REN: variants seen among roughly 807,000 people sequenced by gnomAD.
REN encodes angiotensin-forming enzyme.
Under a neutral mutation model 48.6 loss-of-function variants are expected in REN, and 42 were observed. The ratio of observed to expected loss-of-function variants is 0.86; its 90% confidence interval spans 0.68 to 1.12. The LOEUF is 1.12. Among genes scored for constraint, REN ranks in the 50% most tolerant of loss-of-function variants. REN has a pLI of 0.00. For missense variants in REN, 443 were observed against 527.3 expected (o/e 0.84, Z 1.57); for synonymous variants, 196 against 204.6 (o/e 0.96, Z 0.36).
In REN at chr1:204,163,610, C is replaced by A. The variant is rs552360536; in HGVS notation, c.99-1447G>T. On this transcript the variant is annotated intron_variant, in intron 1 of 9. Transcript: ENST00000272190. ...TTCCTTTTCCCCCCAGTTCTTTAGT[C>A]CTCCAAGGCCCAACATGTACCCCCA... Among the ~76,000 whole-genome samples, 54 of 152,226 alleles carry A rather than the reference C, an allele frequency of 3.5e-4. 2 individuals carry two copies. The South Asian group carries it at 0.011, about 30-fold the overall frequency.
chr1:204,159,311 T>G lies in REN; in HGVS notation c.689+88A>C, dbSNP rs28730746. ...GGCTGTCACCTAATTACAAACACTTTACAATTCTGGCCCAGACTCTCCTTC... is the reference window on the plus strand; with the variant it reads ...GGCTGTCACCTAATTACAAACACTTGACAATTCTGGCCCAGACTCTCCTTC... On this transcript the variant is annotated intron_variant, in intron 5 of 9. Coordinates refer to ENST00000272190, the MANE Select transcript of REN (RefSeq NM_000537.4). 603 of 1,216,880 alleles carry G rather than the reference T, an allele frequency of 5.0e-4. 3 individuals carry two copies. In the African/African-American group the frequency reaches 7.7e-3, roughly 16 times the overall value. 75.4% of individuals were successfully genotyped at this position (1,216,880 alleles called of 1,614,324 possible). A position where few individuals can be genotyped will look rare whatever the true frequency, so the allele number is the denominator to read the frequency against.
chr1:204,160,477 C>A, intron 4 of REN, 83 bp downstream of exon 4: 1 of 910,768 alleles, frequency 1.1e-6, no homozygotes. Context: ...TGTACCTCCC[C>A]GCAGGTGTGG....
At position 204,162,026 on chromosome 1, in the gene REN, G is replaced by C. The variant is rs778600672; in HGVS notation, c.236C>G (p.Thr79Ser). The change falls in exon 2 of 10, where the codon ACC becomes AGC. Residue 79 changes from threonine (T) to serine (S), a missense_variant. Physicochemically the swap from Thr to Ser is moderately conservative, Grantham distance 58 (BLOSUM62 1). Transcript: ENST00000272190. ...LGNTTSSVILTNYMDTQYYGE... is the reference protein window; with the variant it reads ...LGNTTSSVILSNYMDTQYYGE... ...CCAAGCACTCACGTCCATGTAGTTG[G>C]TGAGGATCACGGAGGAGGTGGTGTT... 63 of 1,614,074 alleles carry C rather than the reference G, an allele frequency of 3.9e-5. No individual in the cohort carries two copies. Among genetic ancestry groups the C allele is most frequent in the Non-Finnish European group, 5.3e-5 (63 of 1,180,036 alleles).
At chr1:204,165,797 G>A (rs1332395651) in intron 1 of REN, among the ~76,000 whole-genome samples, 1 of 152,064 alleles carries the variant, frequency 6.6e-6, no homozygotes, top group Non-Finnish European at 1.5e-5. Flanking sequence ...TCCCCATGTT[G>A]GCCAGGCTGG....
intron 5 of REN, among the ~76,000 whole-genome samples, chr1:204,158,339 G>T (rs1379605965): frequency 1.3e-5 from 2 of 151,078 alleles, no homozygotes; most frequent in African/African-American, 4.9e-5. Context: ...CCATTTTACT[G>T]TGAGATTTCT....
In REN at chr1:204,155,825, A is replaced by T. The variant is rs763339055; in HGVS notation, c.1054T>A (p.Phe352Ile). 3 of 1,613,492 alleles carry T rather than the reference A, an allele frequency of 1.9e-6. No individual in the cohort carries two copies. Among genetic ancestry groups the T allele is most frequent in the African/African-American group, 2.7e-5 (2 of 74,910 alleles). ...EYTLTSADYVFQESYSSKKLC... is the reference protein window; with the variant it reads ...EYTLTSADYVIQESYSSKKLC... Reference sequence around the variant, plus strand: ...GGGGCCGACTCGAACCTCACCTGAAATACATAGTCCGCGCTGGTGAGCGTG... The same window carrying T: ...GGGGCCGACTCGAACCTCACCTGAATTACATAGTCCGCGCTGGTGAGCGTG... The change falls in exon 9 of 10, where the codon TTT becomes ATT. Residue 352 changes from phenylalanine (F) to isoleucine (I), a missense_variant. Coordinates refer to ENST00000272190, the MANE Select transcript of REN (RefSeq NM_000537.4).
rs1018956690 is a variant in REN, at chr1:204,156,664, G to A, written c.818+13C>T. 2 of 1,593,320 alleles carry A rather than the reference G, an allele frequency of 1.3e-6. No individual in the cohort carries two copies. Among genetic ancestry groups the A allele is most frequent in the Non-Finnish European group, 1.7e-6 (2 of 1,166,970 alleles). On this transcript the variant is annotated intron_variant, in intron 7 of 9. Transcript: ENST00000272190. This position sits in a 1 kb window ranked among gnomAD's most constrained non-coding sequence, Gnocchi z 4.2. Reference sequence around the variant, plus strand: ...CATTTTTTGGAGCCCGGGGAGGGTTGAGGATTTCTGACCCCTTCATTTGAA... The same window carrying A: ...CATTTTTTGGAGCCCGGGGAGGGTTAAGGATTTCTGACCCCTTCATTTGAA...
intron 6 of REN, among the ~76,000 whole-genome samples, chr1:204,157,142 T>G (rs532614287): frequency 6.6e-6 from 1 of 152,182 alleles, no homozygotes; most frequent in South Asian, 2.1e-4. Context: ...GGGTTGCTGC[T>G]GATTGAGCAG....
chr1:204,155,888 G>A lies in REN; in HGVS notation c.991C>T (p.Leu331Phe). ...CCCAGGTGGAAAGAGATGTCGGGGA[G>A]TGTAGGGCCCTCGTTACACTTCACG... ...YVVKCNEGPT[L>F]PDISFHLGGK... The change falls in exon 9 of 10, where the codon CTC becomes TTC. Residue 331 changes from leucine (L) to phenylalanine (F), a missense_variant. By Grantham distance (22) the Leu-to-Phe change is conservative. Transcript: ENST00000272190. 1 of 1,614,070 alleles carries A rather than the reference G, an allele frequency of 6.2e-7. No homozygotes were observed. Among genetic ancestry groups the A allele is most frequent in the Non-Finnish European group, 8.5e-7 (1 of 1,179,980 alleles).
intron 6 of REN, 71 bp downstream of exon 6, chr1:204,157,290 T>G: frequency 1.9e-6 from 3 of 1,597,872 alleles, no homozygotes; most frequent in South Asian, 2.2e-5. Flanking sequence ...GCCGGTGGCG[T>G]GTGTAATTCT....
At position 204,162,135 on chromosome 1, in the gene REN, G is replaced by A. The variant is rs397514690; in HGVS notation, c.127C>T (p.Arg43Ter). Residue 43 changes from arginine to a stop codon, truncating the protein, a stop_gained, in exon 2 of 10, where the codon CGA becomes TGA. Transcript: ENST00000272190. LOFTEE classifies it high-confidence loss of function. ...ACACCTCGTTCCTTCAGGCTTTCTC[G>A]GATTGAGGGCATTCTCTTGAGGAAG... ...RIFLKRMPSIRESLKERGVDM... is the reference protein window; with the variant it reads ...RIFLKRMPSI 26 of 1,613,992 alleles carry A rather than the reference G, an allele frequency of 1.6e-5. No individual in the cohort carries two copies. The highest frequency in any genetic ancestry group is 4.0e-5 in the African/African-American group (3 of 74,888).
At chr1:204,161,717 G>T (rs866186981) in intron 2 of REN, among the ~76,000 whole-genome samples, 2 of 152,044 alleles carry the variant, frequency 1.3e-5, no homozygotes, top group Admixed American at 6.6e-5. Context: ...GCTGGGCCAG[G>T]TCACAGAAAC....
chr1:204,156,830 T>A lies in REN; in HGVS notation c.699-34A>T. On this transcript the variant is annotated intron_variant, in intron 6 of 9. Coordinates refer to ENST00000272190, the MANE Select transcript of REN (RefSeq NM_000537.4). This position sits in a 1 kb window ranked among gnomAD's most constrained non-coding sequence, Gnocchi z 4.2. ...AAGATCAGAAGCTCTTGGAAACCCA[T>A]AACCTCCAGGACCCAGCAACTCAGG... The A allele has an allele frequency of 6.2e-7, 1 of 1,612,140 alleles. No homozygotes were observed. Among genetic ancestry groups the A allele is most frequent in the Non-Finnish European group, 8.5e-7 (1 of 1,179,966 alleles).
In REN at chr1:204,162,116, C is replaced by T. The variant is rs768773475; in HGVS notation, c.146G>A (p.Arg49Gln). ...ACCAAGCCTGGCCATGTCCACACCT[C>T]GTTCCTTCAGGCTTTCTCGGATTGA... ...MPSIRESLKERGVDMARLGPE... is the reference protein window; with the variant it reads ...MPSIRESLKEQGVDMARLGPE... Residue 49 changes from arginine to glutamine, a missense_variant, in exon 2 of 10, where the codon CGA becomes CAA. Arg to Gln is a conservative substitution (Grantham distance 43). Transcript: ENST00000272190. 3 of 1,614,118 alleles carry T rather than the reference C, an allele frequency of 1.9e-6. No homozygotes were observed. The highest frequency in any genetic ancestry group is 1.7e-5 in the Admixed American group (1 of 60,018).
At position 204,159,436 on chromosome 1, in the gene REN, C is replaced by A. The variant is rs776861775; in HGVS notation, c.652G>T (p.Val218Leu). The change falls in exon 5 of 10, where the codon GTG becomes TTG. Residue 218 changes from valine to leucine, a missense_variant. Coordinates refer to ENST00000272190, the MANE Select transcript of REN (RefSeq NM_000537.4). ...PIFDNIISQG[V>L]LKEDVFSFYY... ...AAAGAGAAGACGTCCTCTTTTAGCA[C>A]CCCTTGGGAGATGATGTTGTCGAAG... 1.9e-6 allele frequency: 3 copies of A among 1,614,154 alleles called. No homozygotes were observed. The highest frequency in any genetic ancestry group is 1.7e-6 in the Non-Finnish European group (2 of 1,180,046).
chr1:204,163,781 G>A (rs1251189398), intron 1 of REN, among the ~76,000 whole-genome samples: 1 of 152,140 alleles, frequency 6.6e-6, no homozygotes, highest in Non-Finnish European at 1.5e-5. Flanking sequence ...AGTGGTTGCA[G>A]GGGGCATGCC....
chr1:204,157,216 C>A, intron 6 of REN, 145 bp downstream of exon 6: 1 of 1,123,324 alleles, frequency 8.9e-7, no homozygotes, highest in East Asian at 2.3e-5. Context: ...ATGGAGAGAG[C>A]AGGAAGGAGA....
At chr1:204,164,542 GCTGT>G (rs1484728684) in intron 1 of REN, among the ~76,000 whole-genome samples, 1 of 144,838 alleles carries the variant, frequency 6.9e-6, no homozygotes, top group Non-Finnish European at 1.5e-5. Flanking sequence ...TTTCTCAAAT[GCTGT>G]CTCTTCCCCT....
intron 9 of REN, 35 bp from the exon 10 acceptor site, chr1:204,155,212 C>A (rs200187658): frequency 1.2e-6 from 2 of 1,612,382 alleles, no homozygotes; most frequent in Non-Finnish European, 1.7e-6. Context: ...CCATACCCAG[C>A]ACATGAGCAT....
Sources: allele counts gnomAD v4.1 joint callset (sites outside exome capture counted in the v4.1 genomes callset), GRCh38; gene constraint gnomAD v4.1.1; non-coding constraint Gnocchi (gnomAD v3.1); transcripts MANE v1.5; gene names NCBI Gene and HGNC (gene_info 2026-07-23, HGNC 2026-07-21).